RNF11: variants seen among roughly 807,000 people sequenced by gnomAD.
RNF11 encodes the protein ring finger protein 11.
In RNF11, 4 loss-of-function variants were observed where a neutral mutation model predicts 15.8. The ratio of observed to expected loss-of-function variants is 0.25; its 90% CI spans 0.12 to 0.58. The LOEUF is 0.58. Ranked by LOEUF, RNF11 falls within the 20% of genes least tolerant of loss-of-function variation. The probability of loss-of-function intolerance (pLI) is 0.91; values close to 1 mark genes in which losing one functional copy is unlikely to be tolerated. For missense variants in RNF11, 139 were observed against 194.4 expected, an observed-to-expected ratio of 0.71 and a Z score of 1.70; for synonymous variants, 68 against 72.3, an observed-to-expected ratio of 0.94 and a Z score of 0.30.
At chr1:51,242,146 T>C (rs1416448124) in intron 1 of RNF11, among the ~76,000 whole-genome samples, 1 of 152,186 alleles carries the variant, frequency 6.6e-6, no homozygotes, top group Non-Finnish European at 1.5e-5. Flanking sequence ...AATGCAAGTA[T>C]AGCTCTGCTT....
At chr1:51,240,255 G>C (rs1646822598) in intron 1 of RNF11, among the ~76,000 whole-genome samples, 1 of 152,108 alleles carries the variant, frequency 6.6e-6, no homozygotes, top group Non-Finnish European at 1.5e-5. Flanking sequence ...CTTCCCTCCA[G>C]CTTCCCTGTC....
chr1:51,266,408 T>A (rs745668189), intron 1 of RNF11, among the ~76,000 whole-genome samples: 2 of 152,140 alleles, frequency 1.3e-5, no homozygotes, highest in Non-Finnish European at 2.9e-5. Context: ...TTTTTCTTTT[T>A]TTTTTCTTTT....
chr1:51,264,889 C>G (rs1646947949), intron 1 of RNF11: 1 of 152,192 alleles, frequency 6.6e-6, no homozygotes, highest in African/African-American at 2.4e-5. Context: ...GCTTAAACCA[C>G]CTAAGATTAG....
chr1:51,237,190 A>G (rs1272802838), intron 1 of RNF11, among the ~76,000 whole-genome samples: 2 of 151,618 alleles, frequency 1.3e-5, no homozygotes, highest in Non-Finnish European at 2.9e-5. Context: ...TCCTGTCTTT[A>G]TGTCTGAATC....
intron 1 of RNF11, chr1:51,251,408 G>C (rs1036702967): frequency 2.3e-6 from 3 of 1,322,998 alleles, no homozygotes; most frequent in African/African-American, 2.9e-5. Flanking sequence ...CTCCGCGGAA[G>C]CCACCGCAGT....
chr1:51,259,583 C>G (rs1646921070), intron 1 of RNF11, among the ~76,000 whole-genome samples: 1 of 152,174 alleles, frequency 6.6e-6, no homozygotes, highest in Non-Finnish European at 1.5e-5. Context: ...CTGTAAATCT[C>G]TTACATGTTA....
At chr1:51,266,652 G>A (rs1367525443) in intron 1 of RNF11, among the ~76,000 whole-genome samples, 2 of 151,896 alleles carry the variant, frequency 1.3e-5, no homozygotes, top group Non-Finnish European at 1.5e-5. Flanking sequence ...TTATAGAGAC[G>A]GGGTTTCACC....
chr1:51,236,898 TG>T lies in RNF11; in HGVS notation c.123+25del. On this transcript the variant is annotated intron_variant, in intron 1 of 2. Transcript: ENST00000242719. Reference sequence around the variant, plus strand: ...ATATCAGGTAGGGGAGGGTGTGTGTTGGGGGGAGCGAGTAGAGGCAGCTCTG... The same window carrying T: ...ATATCAGGTAGGGGAGGGTGTGTGTTGGGGGAGCGAGTAGAGGCAGCTCTG... 1.9e-6 allele frequency: 3 copies of T among 1,599,888 alleles called. No homozygotes were observed. The highest frequency in any genetic ancestry group is 1.7e-6 in the Non-Finnish European group (2 of 1,172,986).
Position 51,271,739 on chromosome 1 carries a change from T to C in RNF11, c.*417T>C, listed in dbSNP as rs957044313. 4 of 155,518 alleles carry C rather than the reference T, an allele frequency of 2.6e-5. No homozygotes were observed. Among genetic ancestry groups the C allele is most frequent in the African/African-American group, 9.6e-5 (4 of 41,480 alleles). The allele number at this position is 155,518 out of a possible 1,614,324, so 9.6% of individuals were successfully genotyped here. ...AATTCTTTTCTGAAGTTGCTGGCAT[T>C]TGGGTCAAGGTTTTATTAAAAGCTA... On this transcript the variant is annotated 3_prime_UTR_variant, in exon 3 of 3. Transcript: ENST00000242719.
Position 51,243,490 on chromosome 1 carries a change from G to A in RNF11, c.123+6611G>A, listed in dbSNP as rs1311804537. On this transcript the variant is annotated intron_variant, in intron 1 of 2. Transcript: ENST00000242719. ...TCTTCACTCTGTTGCCCAGGCTGGA[G>A]TGCAGTGGTGCCACCTCAGCTCACT... Among the ~76,000 whole-genome samples, 5 of 152,126 alleles carry A rather than the reference G, an allele frequency of 3.3e-5. No homozygotes were observed. The East Asian group carries it at 9.6e-4, about 29-fold the overall frequency.
chr1:51,262,055 A>G (rs1646932904), intron 1 of RNF11, among the ~76,000 whole-genome samples: 1 of 152,092 alleles, frequency 6.6e-6, no homozygotes, highest in African/African-American at 2.4e-5. Context: ...GAGTTTCACT[A>G]TGTTGGCCAG....
chr1:51,244,096 C>T lies in RNF11; in HGVS notation c.123+7217C>T, dbSNP rs147887454. Among the ~76,000 whole-genome samples the T allele has an allele frequency of 2.0e-5, 3 of 152,278 alleles. No individual in the cohort carries two copies. The East Asian group carries it at 5.8e-4, about 29-fold the overall frequency. The stretch of plus-strand genomic sequence containing the variant: ...ATGCACCATTCTTAAGACACTTTAC[C>T]CTTTTAATTTTAATTATTTGTGACA... On this transcript the variant is annotated intron_variant, in intron 1 of 2. Coordinates refer to ENST00000242719, the MANE Select transcript of RNF11 (RefSeq NM_014372.5).
At position 51,241,708 on chromosome 1, in the gene RNF11, T is replaced by C. The variant is rs529324740; in HGVS notation, c.123+4829T>C. ...TTGTCGCACCCTCTACCCAACTCCC[T>C]TATTCCTAAATGTTTAAAAATAATA... On this transcript the variant is annotated intron_variant, in intron 1 of 2. Coordinates refer to ENST00000242719, the MANE Select transcript of RNF11 (RefSeq NM_014372.5). Among the ~76,000 whole-genome samples, 16 of 152,304 alleles carry C rather than the reference T, an allele frequency of 1.1e-4. 1 individual carries two copies. The highest frequency in any genetic ancestry group is 3.6e-4 in the African/African-American group (15 of 41,550).
chr1:51,260,585 C>T (rs1485783440), intron 1 of RNF11, among the ~76,000 whole-genome samples: 1 of 152,148 alleles, frequency 6.6e-6, no homozygotes, highest in Non-Finnish European at 1.5e-5. Context: ...CTGGAGGTAA[C>T]AGAATAGTGC....
At chr1:51,250,545 GACA>G in intron 1 of RNF11, 1 of 573,504 alleles carries the variant, frequency 1.7e-6, no homozygotes, top group Non-Finnish European at 3.1e-6. Flanking sequence ...TGAGATTTGT[GACA>G]ATTTTTTTTT....
intron 2 of RNF11, among the ~76,000 whole-genome samples, 179 bp downstream of exon 2, chr1:51,270,304 G>A (rs1312269097): frequency 1.3e-5 from 2 of 152,240 alleles, no homozygotes; most frequent in East Asian, 1.9e-4. Context: ...GCAAGAGAAT[G>A]TTATGTAGTA....
At position 51,271,356 on chromosome 1, in the gene RNF11, C is replaced by T. The variant is rs1646977798; in HGVS notation, c.*34C>T. The T allele has an allele frequency of 6.4e-7, 1 of 1,561,650 alleles. No individual in the cohort carries two copies. On this transcript the variant is annotated 3_prime_UTR_variant, in exon 3 of 3. Coordinates refer to ENST00000242719, the MANE Select transcript of RNF11 (RefSeq NM_014372.5). ...CTCTTATCTGACTTCAAGTGAACCACCATTTTGGTGGTTTTGATCTTTTGT... is the reference window on the plus strand; with the variant it reads ...CTCTTATCTGACTTCAAGTGAACCATCATTTTGGTGGTTTTGATCTTTTGT...
rs1054829333 is a variant in RNF11 at position 51,251,332 on chromosome 1, C to T, written c.123+14453C>T. On this transcript the variant is annotated intron_variant, in intron 1 of 2. Coordinates refer to ENST00000242719, the MANE Select transcript of RNF11 (RefSeq NM_014372.5). ...TTATCCTCGGCCTTGCCTCCGCGAGCTCCGCGGCCTCGGCCCCGGCCCCGT... is the reference window on the plus strand; with the variant it reads ...TTATCCTCGGCCTTGCCTCCGCGAGTTCCGCGGCCTCGGCCCCGGCCCCGT... 2.6e-6 allele frequency: 4 copies of T among 1,513,426 alleles called. No individual in the cohort carries two copies. The East Asian group carries it at 9.2e-5, about 35-fold the overall frequency. 93.7% of individuals were successfully genotyped at this position (1,513,426 alleles called of 1,614,324 possible). A position where few individuals can be genotyped will look rare whatever the true frequency, so the allele number is the denominator to read the frequency against.
At chr1:51,259,886 A>G (rs986540983) in intron 1 of RNF11, among the ~76,000 whole-genome samples, 3 of 152,228 alleles carry the variant, frequency 2.0e-5, no homozygotes, top group African/African-American at 7.2e-5. Flanking sequence ...CAGAAACACT[A>G]AACTTATCGC....
Sources: allele counts gnomAD v4.1 joint callset (sites outside exome capture counted in the v4.1 genomes callset), GRCh38; gene constraint gnomAD v4.1.1; transcripts MANE v1.5; gene names NCBI Gene and HGNC (gene_info 2026-07-23, HGNC 2026-07-21).